ATG5: variants seen among roughly 807,000 people sequenced by gnomAD.
The protein encoded by ATG5 is autophagy related 5.
In ATG5, 14 loss-of-function variants were observed where a neutral mutation model predicts 36.5. That is an observed-to-expected ratio of 0.38 (90% CI 0.25 to 0.60). The LOEUF is 0.60. ATG5 is among the 20% of genes least tolerant of loss of function. The pLI, the probability that ATG5 is intolerant of heterozygous loss-of-function variation, is 0.60. For missense variants in ATG5, 195 were observed against 326.7 expected, an observed-to-expected ratio of 0.60 and a Z score of 3.11; for synonymous variants, 95 against 101.5, an observed-to-expected ratio of 0.94 and a Z score of 0.38.
chr6:106,278,028 T>C (rs1338520397), intron 5 of ATG5, among the ~76,000 whole-genome samples: 4 of 152,110 alleles, frequency 2.6e-5, no homozygotes, highest in Non-Finnish European at 4.4e-5. Flanking sequence ...CACTGTAACC[T>C]TGAACTCCTT....
At chr6:106,251,687 AAGAC>A (rs1459645454) in intron 5 of ATG5, among the ~76,000 whole-genome samples, 17 of 109,468 alleles carry the variant, frequency 1.6e-4, no homozygotes, top group Middle Eastern at 5.5e-3. Flanking sequence ...GAGAGAAAGA[AAGAC>A]AGAAAAAGAA....
At chr6:106,286,741 A>G (rs1173461210) in intron 4 of ATG5, among the ~76,000 whole-genome samples, 1 of 152,192 alleles carries the variant, frequency 6.6e-6, no homozygotes, top group South Asian at 2.1e-4. Flanking sequence ...GCATGTTGGG[A>G]AAGTCCACAT....
At position 106,184,980 on chromosome 6, in the gene ATG5, T is replaced by C. The variant is rs1309641698; in HGVS notation, c.*1560A>G. On this transcript the variant is annotated 3_prime_UTR_variant, in exon 8 of 8. Coordinates refer to ENST00000369076, the MANE Select transcript of ATG5 (RefSeq NM_004849.4). ...TTTTTATCCTTACATAACTCAAATA[T>C]TGCTATTTTTTTCCTGCCTTTACTA... 1 of 152,324 alleles carries C rather than the reference T, an allele frequency of 6.6e-6. No individual in the cohort carries two copies. The highest frequency in any genetic ancestry group is 2.4e-5 in the African/African-American group (1 of 41,444). 9.4% of individuals were successfully genotyped at this position (152,324 alleles called of 1,614,324 possible).
intron 6 of ATG5, among the ~76,000 whole-genome samples, chr6:106,211,037 G>C (rs1317766985): frequency 6.6e-6 from 1 of 151,902 alleles, no homozygotes; most frequent in African/African-American, 2.4e-5. Context: ...TTGTTGTTTT[G>C]GTCATACATA....
intron 6 of ATG5, among the ~76,000 whole-genome samples, chr6:106,207,283 G>A (rs1438391119): frequency 6.6e-6 from 1 of 152,144 alleles, no homozygotes; most frequent in African/African-American, 2.4e-5. Flanking sequence ...AATTTACAGT[G>A]TTGATATAGC....
chr6:106,261,840 C>T (rs1329286494), intron 5 of ATG5, among the ~76,000 whole-genome samples: 3 of 152,054 alleles, frequency 2.0e-5, no homozygotes, highest in African/African-American at 7.2e-5. Context: ...ACCGGGGGAG[C>T]GGGCAGTGTG....
At chr6:106,248,370 T>G in intron 5 of ATG5, 126 bp from the exon 6 acceptor site, 1 of 578,988 alleles carries the variant, frequency 1.7e-6, no homozygotes, top group East Asian at 2.9e-5. Context: ...TATATTTTCT[T>G]ATTTTTATTA....
chr6:106,200,120 C>T (rs1582539386), intron 7 of ATG5, among the ~76,000 whole-genome samples: 1 of 152,066 alleles, frequency 6.6e-6, no homozygotes, highest in Admixed American at 6.5e-5. Flanking sequence ...CTAGTATAAG[C>T]AAGCATACTT....
intron 6 of ATG5, among the ~76,000 whole-genome samples, chr6:106,203,039 T>C (rs1776497911): frequency 6.6e-6 from 1 of 152,162 alleles, no homozygotes; most frequent in East Asian, 1.9e-4. Flanking sequence ...TGTGTGTGTG[T>C]GTGAAGACAA....
intron 5 of ATG5, among the ~76,000 whole-genome samples, chr6:106,263,783 A>ACAACAT (rs893439149): frequency 2.6e-5 from 4 of 152,054 alleles, no homozygotes; most frequent in Non-Finnish European, 5.9e-5. Flanking sequence ...AAAAGAAAAT[A>ACAACAT]CAACATCAAC....
intron 5 of ATG5, among the ~76,000 whole-genome samples, chr6:106,252,397 C>A (rs1482720414): frequency 4.0e-5 from 6 of 151,246 alleles, no homozygotes; most frequent in Non-Finnish European, 7.4e-5. Context: ...TCCTGATGGT[C>A]ATCCATTTTT....
chr6:106,201,794 A>G (rs1776441335), intron 7 of ATG5, 178 bp downstream of exon 7: 1 of 378,282 alleles, frequency 2.6e-6, no homozygotes, highest in African/African-American at 2.1e-5. Context: ...TCATTTTGTT[A>G]GTCAATAATT....
chr6:106,222,903 C>T (rs189177061), intron 6 of ATG5, among the ~76,000 whole-genome samples: 8 of 152,062 alleles, frequency 5.3e-5, no homozygotes, highest in South Asian at 2.1e-4. Flanking sequence ...TTCAATAAAG[C>T]GCAATAAATG....
intron 3 of ATG5, among the ~76,000 whole-genome samples, chr6:106,303,274 A>T (rs1287376774): frequency 6.6e-6 from 1 of 152,146 alleles, no homozygotes; most frequent in East Asian, 1.9e-4. Flanking sequence ...CAGACAAGGA[A>T]ATACTATAAA....
At chr6:106,275,643 T>C (rs981557968) in intron 5 of ATG5, among the ~76,000 whole-genome samples, 1 of 152,120 alleles carries the variant, frequency 6.6e-6, no homozygotes, top group Non-Finnish European at 1.5e-5. Context: ...AGAAACAATA[T>C]GAGCCAAGGC....
chr6:106,188,295 C>T lies in ATG5; in HGVS notation c.692-1619G>A, dbSNP rs1044775344. Among the ~76,000 whole-genome samples, 5 of 152,222 alleles carry T rather than the reference C, an allele frequency of 3.3e-5. No homozygotes were observed. The South Asian group carries it at 6.2e-4, about 19-fold the overall frequency. On this transcript the variant is annotated intron_variant, in intron 7 of 7. Coordinates refer to ENST00000369076, the MANE Select transcript of ATG5 (RefSeq NM_004849.4). ...TTCTTAGAATATTTGAAAACATTTCCGGTATAATTCTCTTCATATTCTTAT... is the reference window on the plus strand; with the variant it reads ...TTCTTAGAATATTTGAAAACATTTCTGGTATAATTCTCTTCATATTCTTAT...
rs185857928 is a variant in ATG5 at position 106,266,936 on chromosome 6, G to A, written c.478+12725C>T. Among the ~76,000 whole-genome samples, 8 of 152,140 alleles carry A rather than the reference G, an allele frequency of 5.3e-5. No homozygotes were observed. In the East Asian group the frequency reaches 1.2e-3, roughly 22 times the overall value. ...AGCTGGAAGCATTCCCTTTGAAAAC[G>A]GCCACAAGACAAGGATGCCCTCTCT... On this transcript the variant is annotated intron_variant, in intron 5 of 7. Transcript: ENST00000369076.
chr6:106,285,852 A>C (rs781205813), intron 4 of ATG5, among the ~76,000 whole-genome samples: 1 of 152,204 alleles, frequency 6.6e-6, no homozygotes, highest in Non-Finnish European at 1.5e-5. Context: ...AACTACTCTT[A>C]TATCACAGGC....
intron 6 of ATG5, among the ~76,000 whole-genome samples, chr6:106,238,853 T>C (rs1777997878): frequency 6.6e-6 from 1 of 152,062 alleles, no homozygotes; most frequent in Non-Finnish European, 1.5e-5. Flanking sequence ...TAATGAGCTT[T>C]AGGAAAAGGG....
Sources: allele counts gnomAD v4.1 joint callset (sites outside exome capture counted in the v4.1 genomes callset), GRCh38; gene constraint gnomAD v4.1.1; transcripts MANE v1.5; gene names NCBI Gene and HGNC (gene_info 2026-07-23, HGNC 2026-07-21).